The following UPF3A variants were observed in gnomAD, a reference collection of about 807,000 sequenced individuals.
UPF3A encodes regulator of nonsense transcripts 3A.
In UPF3A, 42 loss-of-function variants were observed where a neutral mutation model predicts 53.5. The observed-to-expected ratio is 0.78, with a 90% CI of 0.61 to 1.01. The LOEUF is 1.01. Ranked by LOEUF, UPF3A falls within the 50% of genes least tolerant of loss-of-function variation. The pLI, the probability that UPF3A is intolerant of heterozygous loss-of-function variation, is 0.00. For missense variants in UPF3A, 575 were observed against 598.0 expected (o/e 0.96, Z 0.40); for synonymous variants, 237 against 225.3 (o/e 1.05, Z -0.47).
At chr13:114,291,580 G>A (rs1257323152) in intron 6 of UPF3A, 36 bp downstream of exon 6, 2 of 1,604,472 alleles carry the variant, frequency 1.2e-6, no homozygotes, top group Non-Finnish European at 1.7e-6. Flanking sequence ...CACCCTCCCT[G>A]CTTCTGCCAT....
chr13:114,281,829 A>G lies in UPF3A; in HGVS notation c.190A>G (p.Arg64Gly). The G allele has an allele frequency of 6.5e-7, 1 of 1,529,964 alleles. No individual in the cohort carries two copies. The highest frequency in any genetic ancestry group is 8.8e-7 in the Non-Finnish European group (1 of 1,135,438). The allele number at this position is 1,529,964 out of a possible 1,614,324, so 94.8% of individuals were successfully genotyped here. ...GGAGKPREEK[R>G]TALSKVVIRR... Reference sequence around the variant, plus strand: ...TGCGGGCAAACCTCGCGAGGAGAAGAGGACGGCCCTGAGCAAGGTGGGGAC... The same window carrying G: ...TGCGGGCAAACCTCGCGAGGAGAAGGGGACGGCCCTGAGCAAGGTGGGGAC... The change falls in exon 1 of 10, where the codon AGG becomes GGG. Residue 64 changes from arginine (R) to glycine (G), a missense_variant. By Grantham distance (125) the Arg-to-Gly change is moderately radical (BLOSUM62 -2). This residue lies in a region of UPF3A where 252 missense variants were observed against 182.7 expected (regional missense o/e 1.38). Transcript: ENST00000375299.
chr13:114,298,801 C>T (rs2086309218), intron 7 of UPF3A, 39 bp from the exon 8 acceptor site: 6 of 1,455,532 alleles, frequency 4.1e-6, no homozygotes, highest in Admixed American at 2.7e-5. Flanking sequence ...TTAAAATATG[C>T]TCTCAAGGTG....
At chr13:114,284,149 G>A in intron 3 of UPF3A, 1 of 855,036 alleles carries the variant, frequency 1.2e-6, no homozygotes, top group Non-Finnish European at 1.4e-6. Context: ...GGATCACGAG[G>A]TCAGGAGTTC....
intron 9 of UPF3A, among the ~76,000 whole-genome samples, chr13:114,302,971 G>A (rs1402932447): frequency 1.3e-5 from 2 of 152,050 alleles, no homozygotes; most frequent in African/African-American, 2.4e-5. Flanking sequence ...GCGTGGTGGC[G>A]CGCCTGTAAT....
intron 7 of UPF3A, among the ~76,000 whole-genome samples, chr13:114,297,871 G>A (rs1192296955): frequency 6.6e-6 from 1 of 152,136 alleles, no homozygotes; most frequent in African/African-American, 2.4e-5. Context: ...AGCCAGGTGT[G>A]GTGGCACGCC....
chr13:114,294,495 C>T (rs886543158), intron 7 of UPF3A, among the ~76,000 whole-genome samples: 9 of 152,164 alleles, frequency 5.9e-5, no homozygotes, highest in Non-Finnish European at 1.3e-4. Flanking sequence ...AACTCCTGGG[C>T]TGAAGTGATC....
At chr13:114,288,973 A>T (rs17067943) in intron 5 of UPF3A, among the ~76,000 whole-genome samples, 15,009 of 152,032 alleles carry the variant, frequency 0.099, 842 homozygotes, top group Middle Eastern at 0.15. Flanking sequence ...TCCCCTTGCA[A>T]AGGATCGGTC....
chr13:114,293,672 T>C (rs1174281069), intron 7 of UPF3A, among the ~76,000 whole-genome samples: 1 of 152,192 alleles, frequency 6.6e-6, no homozygotes, highest in Non-Finnish European at 1.5e-5. Context: ...TATCACTCAT[T>C]ACTTATTATT....
intron 9 of UPF3A, among the ~76,000 whole-genome samples, chr13:114,304,122 G>C (rs554072127): frequency 6.6e-6 from 1 of 152,222 alleles, no homozygotes; most frequent in Admixed American, 6.5e-5. Context: ...GGAGCAGGAG[G>C]CTCACGGAAG....
At chr13:114,304,397 A>T (rs560867198) in intron 9 of UPF3A, among the ~76,000 whole-genome samples, 3 of 152,346 alleles carry the variant, frequency 2.0e-5, no homozygotes, top group Admixed American at 1.3e-4. Flanking sequence ...CTGCTGGTAC[A>T]TGCTAGGCAG....
Position 114,282,137 on chromosome 13 carries a change from GC to G in UPF3A, c.314+14del. The G allele has an allele frequency of 1.3e-6, 2 of 1,544,506 alleles. No homozygotes were observed. The highest frequency in any genetic ancestry group is 4.9e-5 in the East Asian group (2 of 41,098). On this transcript the variant is annotated intron_variant, in intron 2 of 9. Coordinates refer to ENST00000375299, the MANE Select transcript of UPF3A (RefSeq NM_023011.4). ...TCGCCGCCGACCTGAGGTGAGGCCC[GC>G]CCCGAGGGGAGGAAGAGAGGGCGGA...
In UPF3A at chr13:114,281,661, G is replaced by T. The variant is rs775514726; in HGVS notation, c.22G>T (p.Ala8Ser). The change falls in exon 1 of 10, where the codon GCC (alanine) becomes TCC (serine). Residue 8 changes from alanine to serine, a missense_variant. Physicochemically the swap from Ala to Ser is moderately conservative, Grantham distance 99. This residue lies in a region of UPF3A where 252 missense variants were observed against 182.7 expected (regional missense o/e 1.38). Coordinates refer to ENST00000375299, the MANE Select transcript of UPF3A (RefSeq NM_023011.4). Reference sequence around the variant, plus strand: ...CGGCATGCGCTCGGAAAAGGAGGGGGCCGGAGGCCTTCGGGCGGCCGTTGC... The same window carrying T: ...CGGCATGCGCTCGGAAAAGGAGGGGTCCGGAGGCCTTCGGGCGGCCGTTGC... Reference protein sequence around the residue: MRSEKEGAGGLRAAVAAR... With the variant: MRSEKEGSGGLRAAVAAR... The T allele has an allele frequency of 1.3e-6, 2 of 1,520,218 alleles. No individual in the cohort carries two copies. Among genetic ancestry groups the T allele is most frequent in the South Asian group, 1.2e-5 (1 of 81,934 alleles). The allele number at this position is 1,520,218 out of a possible 1,614,324, so 94.2% of individuals were successfully genotyped here.
At chr13:114,299,053 A>G (rs2086337591) in intron 8 of UPF3A, 53 bp downstream of exon 8, 16 of 1,505,798 alleles carry the variant, frequency 1.1e-5, no homozygotes, top group Non-Finnish European at 1.4e-5. Context: ...ATGGTGACGT[A>G]GGCTTTGTCA....
At chr13:114,293,095 A>T (rs988201672) in intron 7 of UPF3A, among the ~76,000 whole-genome samples, 18 of 131,858 alleles carry the variant, frequency 1.4e-4, no homozygotes, top group African/African-American at 5.0e-4. Flanking sequence ...AAAAAAAAAA[A>T]TTTCCTGGCC....
intron 7 of UPF3A, among the ~76,000 whole-genome samples, chr13:114,296,151 A>G (rs950012392): frequency 5.9e-5 from 9 of 152,184 alleles, no homozygotes; most frequent in African/African-American, 1.2e-4. Flanking sequence ...TTGGGGGGCC[A>G]AGGCAGGTGG....
chr13:114,286,609 C>T lies in UPF3A; in HGVS notation c.611C>T (p.Ala204Val), dbSNP rs41291207. Residue 204 changes from alanine (A) to valine (V), a missense_variant, in exon 5 of 10, where the codon GCG (alanine) becomes GTG (valine). Physicochemically the swap from Ala to Val is moderately conservative, Grantham distance 64. Coordinates refer to ENST00000375299, the MANE Select transcript of UPF3A (RefSeq NM_023011.4). ...GAGACTCTGCTGGGGGAGATGGAGG[C>T]GAAGACAAGAGAGCTCATTGGTCTG... is the stretch of plus-strand genomic sequence containing the variant. ...NPETLLGEME[A>V]KTRELIARRT... The T allele has an allele frequency of 1.7e-3, 2,785 of 1,613,156 alleles. 6 individuals are homozygous for T. The highest frequency in any genetic ancestry group is 3.1e-3 in the African/African-American group (231 of 74,952).
At chr13:114,295,030 T>G (rs562370890) in intron 7 of UPF3A, among the ~76,000 whole-genome samples, 6 of 148,026 alleles carry the variant, frequency 4.1e-5, no homozygotes, top group Non-Finnish European at 5.9e-5. Context: ...GAGAATGGCA[T>G]GAACCCGGGA....
At chr13:114,289,698 C>G (rs1020226057) in intron 5 of UPF3A, among the ~76,000 whole-genome samples, 3 of 152,080 alleles carry the variant, frequency 2.0e-5, no homozygotes. Context: ...TCTGGTGCAT[C>G]GGCCTTTAGC....
chr13:114,282,811 A>G (rs748692437), intron 2 of UPF3A, 26 bp from the exon 3 acceptor site: 19 of 1,589,610 alleles, frequency 1.2e-5, no homozygotes, highest in Admixed American at 3.4e-5. Flanking sequence ...TTCACTGACC[A>G]TTTTCACTGT....
Sources: gnomAD v4.1 joint callset for allele counts (sites outside exome capture counted in the v4.1 genomes callset) on GRCh38, gnomAD v4.1.1 for gene constraint, gnomAD v4.1.1 regional missense constraint, MANE v1.5 for transcripts, NCBI Gene and HGNC (gene_info 2026-07-23, HGNC 2026-07-21) for gene names.